The following PCDHGA1 variants were observed in gnomAD, a reference collection of about 807,000 sequenced individuals.
PCDHGA1 encodes the protein protocadherin gamma subfamily A, 1.
Under a neutral mutation model 58.0 loss-of-function variants are expected in PCDHGA1, and 32 were observed. The ratio of observed to expected loss-of-function variants is 0.55; its 90% CI spans 0.42 to 0.74. PCDHGA1 has a LOEUF of 0.74. Ranked by LOEUF, PCDHGA1 falls within the 30% of genes least tolerant of loss-of-function variation. The pLI, the probability that PCDHGA1 is intolerant of heterozygous loss-of-function variation, is 0.00. For missense variants in PCDHGA1, 1,205 were observed against 1,182.3 expected (o/e 1.02, Z -0.28); for synonymous variants, 498 against 501.1 (o/e 0.99, Z 0.08).
intron 1 of PCDHGA1, chr5:141,365,046 C>G (rs753242901): frequency 6.2e-7 from 1 of 1,613,884 alleles, no homozygotes; most frequent in South Asian, 1.1e-5. Flanking sequence ...AACGACAATG[C>G]GCCCCTGTTC....
Position 141,405,415 on chromosome 5 carries a change from GT to G in PCDHGA1, c.2421+72316del, listed in dbSNP as rs757320616. The G allele has an allele frequency of 3.1e-4, 488 of 1,559,566 alleles. 1 individual carries two copies. Among genetic ancestry groups the G allele is most frequent in the Admixed American group, 8.4e-4 (46 of 54,770 alleles). On this transcript the variant is annotated intron_variant, in intron 1 of 3. Transcript: ENST00000517417. Reference sequence around the variant, plus strand: ...TTTTCTTTCTTTCTTTTCTTTTTTTGTTTTTTGTTTTGTTTTGTTTTTGAGA... The same window carrying G: ...TTTTCTTTCTTTCTTTTCTTTTTTTGTTTTTGTTTTGTTTTGTTTTTGAGA...
At chr5:141,460,981 GTGTATATA>G (rs1342006423) in intron 1 of PCDHGA1, among the ~76,000 whole-genome samples, 30 of 121,890 alleles carry the variant, frequency 2.5e-4, no homozygotes, top group African/African-American at 5.8e-4. Flanking sequence ...GTGTGTGTGT[GTGTATATA>G]TATATATGTG....
In PCDHGA1 at chr5:141,392,850, C is replaced by T. The variant is rs752526573; in HGVS notation, c.2421+59745C>T. ...ACAGAGTCGCCCCAGACGCGGCGAG[C>T]TGATCCTGCTGTGCGCGCTGCTGGG... On this transcript the variant is annotated intron_variant, in intron 1 of 3. Coordinates refer to ENST00000517417, the MANE Select transcript of PCDHGA1 (RefSeq NM_018912.3). The T allele has an allele frequency of 3.1e-6, 5 of 1,610,550 alleles. No homozygotes were observed. In the African/African-American group the frequency reaches 5.3e-5, roughly 17 times the overall value.
intron 1 of PCDHGA1, chr5:141,375,961 G>A: frequency 6.2e-7 from 1 of 1,613,370 alleles, no homozygotes; most frequent in Non-Finnish European, 8.5e-7. Flanking sequence ...CGGGCGAGGT[G>A]CGCACGGCGC....
At chr5:141,352,442 T>A in intron 1 of PCDHGA1, 2 of 1,614,058 alleles carry the variant, frequency 1.2e-6, no homozygotes, top group Non-Finnish European at 8.5e-7. Context: ...AACCGGTCTC[T>A]GCTCCAAGTC....
rs764359327 is a variant in PCDHGA1, at chr5:141,332,381, C to T, written c.1697C>T (p.Ala566Val). ...NDNAPEILYPALPTDGSTGVE... is the reference protein window; with the variant it reads ...NDNAPEILYPVLPTDGSTGVE... Reference sequence around the variant, plus strand: ...AACGCGCCCGAGATCCTGTACCCCGCCCTCCCCACAGATGGTTCTACCGGC... The same window carrying T: ...AACGCGCCCGAGATCCTGTACCCCGTCCTCCCCACAGATGGTTCTACCGGC... Residue 566 changes from alanine (A) to valine (V), a missense_variant, in exon 1 of 4, where the codon GCC becomes GTC. Transcript: ENST00000517417. The surrounding 1 kb of genome is among the most constrained non-coding windows in gnomAD (Gnocchi z 4.6). The T allele has an allele frequency of 6.2e-7, 1 of 1,614,224 alleles. No homozygotes were observed. Among genetic ancestry groups the T allele is most frequent in the Non-Finnish European group, 8.5e-7 (1 of 1,180,048 alleles).
chr5:141,356,903 C>T, intron 1 of PCDHGA1: 1 of 1,614,244 alleles, frequency 6.2e-7, no homozygotes, highest in Non-Finnish European at 8.5e-7. Flanking sequence ...CCCACCTTCC[C>T]TACTGATGGC....
intron 1 of PCDHGA1, chr5:141,351,483 G>A (rs555713426): frequency 3.1e-6 from 5 of 1,613,858 alleles, no homozygotes; most frequent in East Asian, 4.5e-5. Flanking sequence ...GCCCTAAACC[G>A]GGAGCAGACA....
intron 1 of PCDHGA1, among the ~76,000 whole-genome samples, chr5:141,348,670 G>T (rs1758159347): frequency 1.3e-5 from 2 of 152,042 alleles, no homozygotes; most frequent in Non-Finnish European, 2.9e-5. Flanking sequence ...CACTAAAAAG[G>T]ATTTATTTTT....
At chr5:141,352,247 A>C in intron 1 of PCDHGA1, 1 of 1,614,076 alleles carries the variant, frequency 6.2e-7, no homozygotes, top group Non-Finnish European at 8.5e-7. Context: ...CTTCGCGGAT[A>C]GCCTGCAAGA....
At chr5:141,488,564 G>T (rs1047904416) in intron 1 of PCDHGA1, among the ~76,000 whole-genome samples, 1 of 152,154 alleles carries the variant, frequency 6.6e-6, no homozygotes, top group African/African-American at 2.4e-5. Context: ...TGAGATTTCC[G>T]CAAAGCATTG....
chr5:141,421,203 G>T, intron 1 of PCDHGA1: 1 of 1,522,612 alleles, frequency 6.6e-7, no homozygotes, highest in Non-Finnish European at 8.8e-7. Flanking sequence ...TCGAGAAACC[G>T]CGGAATATCG....
In PCDHGA1 at chr5:141,489,183, G is replaced by A. The variant is rs2099683673; in HGVS notation, c.2422-5624G>A. 7.9e-7 allele frequency: 1 copy of A among 1,270,400 alleles called. No individual in the cohort carries two copies. Among genetic ancestry groups the A allele is most frequent in the Non-Finnish European group, 1.1e-6 (1 of 913,958 alleles). The allele number at this position is 1,270,400 out of a possible 1,614,324, so 78.7% of individuals were successfully genotyped here. A position where few individuals can be genotyped will look rare whatever the true frequency, so the allele number is the denominator to read the frequency against. ...TTCAGCTGCTGCATTCCAAGCCCTGGGTCTACCTTGGAGACAGGACAGCAC... is the reference window on the plus strand; with the variant it reads ...TTCAGCTGCTGCATTCCAAGCCCTGAGTCTACCTTGGAGACAGGACAGCAC... On this transcript the variant is annotated intron_variant, in intron 1 of 3. Transcript: ENST00000517417. The surrounding 1 kb of genome is among the most constrained non-coding windows in gnomAD (Gnocchi z 4.5).
chr5:141,332,110 G>A lies in PCDHGA1; in HGVS notation c.1426G>A (p.Ala476Thr). The A allele has an allele frequency of 6.2e-7, 1 of 1,614,120 alleles. No individual in the cohort carries two copies. Among genetic ancestry groups the A allele is most frequent in the Non-Finnish European group, 8.5e-7 (1 of 1,180,032 alleles). Residue 476 changes from alanine (A) to threonine (T), a missense_variant, in exon 1 of 4, where the codon GCC (alanine) becomes ACC (threonine). Ala to Thr is a moderately conservative substitution (Grantham distance 58). Coordinates refer to ENST00000517417, the MANE Select transcript of PCDHGA1 (RefSeq NM_018912.3). The surrounding 1 kb of genome is among the most constrained non-coding windows in gnomAD (Gnocchi z 4.6). Reference sequence around the variant, plus strand: ...AGGAGCCTCCATCTTCTCTGTGAGGGCCCACGACTTGGACAGCAATGAGAA... The same window carrying A: ...AGGAGCCTCCATCTTCTCTGTGAGGACCCACGACTTGGACAGCAATGAGAA... The part of the protein sequence containing the change: ...PRGASIFSVR[A>T]HDLDSNENAQ...
At position 141,490,341 on chromosome 5, in the gene PCDHGA1, A is replaced by C. The variant is rs778299384; in HGVS notation, c.2422-4466A>C. ...TCCTAGAGAGCACACCAGTGGGCACAGTAGTGGGGTTGTTTAATGTGCGAG... is the reference window on the plus strand; with the variant it reads ...TCCTAGAGAGCACACCAGTGGGCACCGTAGTGGGGTTGTTTAATGTGCGAG... On this transcript the variant is annotated intron_variant, in intron 1 of 3. Coordinates refer to ENST00000517417, the MANE Select transcript of PCDHGA1 (RefSeq NM_018912.3). This position sits in a 1 kb window ranked among gnomAD's most constrained non-coding sequence, Gnocchi z 5.4. The C allele has an allele frequency of 5.0e-6, 8 of 1,614,204 alleles. No homozygotes were observed. The South Asian group carries it at 8.8e-5, about 18-fold the overall frequency.
Position 141,489,245 on chromosome 5 carries a change from G to A in PCDHGA1, c.2422-5562G>A, listed in dbSNP as rs773391205. 3 of 1,536,634 alleles carry A rather than the reference G, an allele frequency of 2.0e-6. No homozygotes were observed. The South Asian group carries it at 3.9e-5, about 20-fold the overall frequency. On this transcript the variant is annotated intron_variant, in intron 1 of 3. Transcript: ENST00000517417. The surrounding 1 kb of genome is among the most constrained non-coding windows in gnomAD (Gnocchi z 4.5). The stretch of plus-strand genomic sequence containing the variant: ...CCACAAAGGGACTTCTGGGTCATGG[G>A]GCCCAAGACACTCCCACAGCTCGCT...
intron 1 of PCDHGA1, chr5:141,417,570 T>A: frequency 2.7e-6 from 1 of 373,028 alleles, no homozygotes; most frequent in Non-Finnish European, 4.7e-6. Context: ...AAAAGTCAAG[T>A]TGCAGTCCCA....
intron 1 of PCDHGA1, among the ~76,000 whole-genome samples, chr5:141,447,744 T>G (rs1020767891): frequency 3.4e-4 from 51 of 152,206 alleles, no homozygotes; most frequent in African/African-American, 1.2e-3. Context: ...CTTAAGAGTC[T>G]TGCATGTGAC....
intron 1 of PCDHGA1, among the ~76,000 whole-genome samples, chr5:141,481,728 C>T (rs529419213): frequency 2.1e-4 from 32 of 152,032 alleles, no homozygotes; most frequent in African/African-American, 7.2e-4. Flanking sequence ...CGGAGGCGGG[C>T]GGATCACGAG....
Sources: gnomAD v4.1 joint callset for allele counts (sites outside exome capture counted in the v4.1 genomes callset) on GRCh38, gnomAD v4.1.1 for gene constraint, Gnocchi (gnomAD v3.1) non-coding constraint, MANE v1.5 for transcripts, NCBI Gene and HGNC (gene_info 2026-07-23, HGNC 2026-07-21) for gene names.